Variants in NDUFAF6 observed in about 807,000 individuals in gnomAD.
The protein encoded by NDUFAF6 is NADH:ubiquinone oxidoreductase complex assembly factor 6, also known as NADH dehydrogenase (ubiquinone) complex I, assembly factor 6.
A neutral mutation model predicts 40.8 loss-of-function variants in NDUFAF6; 45 were observed. That is an observed-to-expected ratio of 1.10 (90% CI 0.87 to 1.42). NDUFAF6 has a LOEUF of 1.42. NDUFAF6 is among the 40% of genes most tolerant of loss of function. The pLI is 0.00. For synonymous variants in NDUFAF6, 185 were observed against 155.9 expected (o/e 1.19, Z -1.39); for missense variants, 435 against 418.5 (o/e 1.04, Z -0.34).
chr8:95,013,638 A>C (rs1586965990), intron 2 of NDUFAF6, among the ~76,000 whole-genome samples: 1 of 152,246 alleles, frequency 6.6e-6, no homozygotes, highest in East Asian at 1.9e-4. Flanking sequence ...TGGGTATAAC[A>C]TGACATCCAT....
intron 8 of NDUFAF6, among the ~76,000 whole-genome samples, chr8:95,055,846 C>T (rs900485656): frequency 6.6e-5 from 10 of 152,230 alleles, no homozygotes; most frequent in East Asian, 5.8e-4. Flanking sequence ...TAATAAACAC[C>T]GATGAACTTA....
intron 2 of NDUFAF6, among the ~76,000 whole-genome samples, chr8:95,082,682 C>T (rs1048671921): frequency 2.6e-5 from 4 of 151,338 alleles, no homozygotes; most frequent in Admixed American, 1.3e-4. Context: ...TTTTTTGAGA[C>T]GGAGTCTCGC....
intron 1 of NDUFAF6, among the ~76,000 whole-genome samples, chr8:94,908,491 T>C (rs1188547586): frequency 6.6e-6 from 1 of 152,142 alleles, no homozygotes; most frequent in Non-Finnish European, 1.5e-5. Flanking sequence ...CATCTCAGCC[T>C]CCCAAGTAGC....
At chr8:94,965,234 G>A (rs1239151617) in intron 1 of NDUFAF6, among the ~76,000 whole-genome samples, 3 of 135,324 alleles carry the variant, frequency 2.2e-5, no homozygotes, top group East Asian at 2.3e-4. Flanking sequence ...TATACATATC[G>A]AAGGTGATGA....
At chr8:95,095,714 G>C (rs930657820), upstream of NDUFAF6, among the ~76,000 whole-genome samples, 6 of 150,774 alleles carry the variant, frequency 4.0e-5, no homozygotes, top group African/African-American at 1.5e-4. Flanking sequence ...TCCCAGTCTA[G>C]AGTGCAGTAG....
chr8:94,928,992 ATCAG>A (rs2131302853), intron 1 of NDUFAF6: 1 of 152,768 alleles, frequency 6.5e-6, no homozygotes, highest in Non-Finnish European at 1.5e-5. Context: ...TTCAGAGGAA[ATCAG>A]TCAGAGTGGA....
chr8:94,998,379 TACACACACACACACACAC>T (rs200968954), intron 2 of NDUFAF6, among the ~76,000 whole-genome samples: 4 of 138,326 alleles, frequency 2.9e-5, no homozygotes, highest in African/African-American at 1.0e-4. Flanking sequence ...TGCAATCAAA[TACACACACACACACACAC>T]ACACACACAC....
chr8:94,930,357 G>C, intron 1 of NDUFAF6: 1 of 1,383,216 alleles, frequency 7.2e-7, no homozygotes, highest in Non-Finnish European at 9.9e-7. Context: ...TAAATACACT[G>C]ATAAAACTAT....
At chr8:94,921,504 C>A (rs1447930372) in intron 1 of NDUFAF6, among the ~76,000 whole-genome samples, 1 of 152,094 alleles carries the variant, frequency 6.6e-6, no homozygotes, top group Admixed American at 6.6e-5. Context: ...AGAAATAGAT[C>A]CCTAGAAGAA....
intron 1 of NDUFAF6, among the ~76,000 whole-genome samples, chr8:94,921,640 C>T (rs1214688558): frequency 6.7e-6 from 1 of 150,008 alleles, no homozygotes; most frequent in African/African-American, 2.5e-5. Context: ...AATGCCTTCT[C>T]TACTCTCTTC....
chr8:95,021,998 T>C (rs1480046641), upstream of NDUFAF6, among the ~76,000 whole-genome samples: 1 of 152,230 alleles, frequency 6.6e-6, no homozygotes, highest in African/African-American at 2.4e-5. Context: ...ATACATGTAG[T>C]GTCAGAAGGG....
In NDUFAF6 at chr8:95,058,334, C is replaced by G; in HGVS notation, c.*397C>G. ...TTATCATAGGGGCTTACATGCTGAG[C>G]AGCTATAACCTAGGTGTTCAGAACA... On this transcript the variant is annotated 3_prime_UTR_variant, in exon 9 of 9. Coordinates refer to ENST00000396124, the MANE Select transcript of NDUFAF6 (RefSeq NM_152416.4). 2.4e-6 allele frequency: 3 copies of G among 1,249,616 alleles called. No individual in the cohort carries two copies. The highest frequency in any genetic ancestry group is 3.0e-6 in the Non-Finnish European group (3 of 998,594). The allele number at this position is 1,249,616 out of a possible 1,614,324, so 77.4% of individuals were successfully genotyped here.
intron 6 of NDUFAF6, 46 bp downstream of exon 6, chr8:95,047,173 G>A: frequency 6.2e-7 from 1 of 1,613,324 alleles, no homozygotes; most frequent in South Asian, 1.1e-5. Context: ...TCAGGAATAT[G>A]GGGAAGGAAG....
At chr8:95,105,883 G>C (rs1809828906), downstream of NDUFAF6, among the ~76,000 whole-genome samples, 1 of 152,126 alleles carries the variant, frequency 6.6e-6, no homozygotes, top group Non-Finnish European at 1.5e-5. Context: ...TGATCCTCCT[G>C]CCTTGATCTC....
At chr8:95,027,700 C>T (rs530739411) in intron 1 of NDUFAF6, among the ~76,000 whole-genome samples, 8 of 151,830 alleles carry the variant, frequency 5.3e-5, no homozygotes, top group African/African-American at 1.9e-4. Context: ...TAGCAGAGTT[C>T]AGACACATGA....
intron 1 of NDUFAF6, among the ~76,000 whole-genome samples, chr8:94,920,878 C>T (rs1315093247): frequency 6.6e-6 from 1 of 152,230 alleles, no homozygotes; most frequent in Non-Finnish European, 1.5e-5. Context: ...CATCCCTGCT[C>T]ATAGTTTTTA....
intron 2 of NDUFAF6, among the ~76,000 whole-genome samples, chr8:94,946,252 GA>G (rs1190177509): frequency 1.3e-5 from 2 of 152,130 alleles, no homozygotes; most frequent in Admixed American, 1.3e-4. Context: ...TGTAGGCAGA[GA>G]AAGGTGGCTG....
At chr8:94,954,942 C>T (rs1206359515), upstream of NDUFAF6, among the ~76,000 whole-genome samples, 1 of 152,158 alleles carries the variant, frequency 6.6e-6, no homozygotes, top group Admixed American at 6.5e-5. Context: ...CAGAATGGGC[C>T]TCAGGTAATC....
At chr8:94,930,088 A>G (rs1303293905) in intron 1 of NDUFAF6, 3 of 188,378 alleles carry the variant, frequency 1.6e-5, no homozygotes, top group African/African-American at 7.1e-5. Flanking sequence ...GACCCTGAGA[A>G]TAAATTTTTG....
Sources: allele counts gnomAD v4.1 joint callset (sites outside exome capture counted in the v4.1 genomes callset), GRCh38; gene constraint gnomAD v4.1.1; transcripts MANE v1.5; gene names NCBI Gene and HGNC (gene_info 2026-07-23, HGNC 2026-07-21).